ADAM10: variants seen among roughly 807,000 people sequenced by gnomAD.
ADAM10 encodes ADAM metallopeptidase domain 10, also known as disintegrin and metalloproteinase domain-containing protein 10.
Under a neutral mutation model 90.1 loss-of-function variants are expected in ADAM10, and 17 were observed. The ratio of observed to expected loss-of-function variants is 0.19; its 90% CI spans 0.13 to 0.28. The LOEUF (loss-of-function observed/expected upper bound fraction) is 0.28, where lower values mean the gene tolerates loss of function less well. Ranked by LOEUF, ADAM10 falls within the 10% of genes least tolerant of loss-of-function variation. The pLI, the probability that ADAM10 is intolerant of heterozygous loss-of-function variation, is 1.00. For missense variants in ADAM10, 610 were observed against 914.3 expected (o/e 0.67, Z 4.29); for synonymous variants, 310 against 298.6 (o/e 1.04, Z -0.40).
At chr15:58,692,321 T>C (rs189405711) in intron 2 of ADAM10, 3 of 607,368 alleles carry the variant, frequency 4.9e-6, no homozygotes, top group South Asian at 1.4e-5. Flanking sequence ...TCCTGGGTGA[T>C]GTCATCAGGG....
intron 2 of ADAM10, among the ~76,000 whole-genome samples, chr15:58,710,722 T>G (rs1898446843): frequency 6.6e-6 from 1 of 152,254 alleles, no homozygotes; most frequent in Non-Finnish European, 1.5e-5. Context: ...TCAGTATTTT[T>G]TAAATTTTTG....
At chr15:58,681,895 C>A (rs932244011) in intron 3 of ADAM10, among the ~76,000 whole-genome samples, 18 of 152,078 alleles carry the variant, frequency 1.2e-4, no homozygotes, top group African/African-American at 4.1e-4. Context: ...TAATTTCTTA[C>A]TTGGAAAATC....
intron 2 of ADAM10, chr15:58,686,448 T>C: frequency 1.4e-6 from 2 of 1,388,634 alleles, no homozygotes; most frequent in Non-Finnish European, 2.0e-6. Context: ...CTGCAGTGCC[T>C]GGTGGAGCAG....
At chr15:58,708,034 G>A (rs1197574407) in intron 2 of ADAM10, among the ~76,000 whole-genome samples, 15 of 151,730 alleles carry the variant, frequency 9.9e-5, no homozygotes, top group Admixed American at 6.6e-5. Flanking sequence ...TGAAGATCGC[G>A]CCACTGTACT....
chr15:58,719,092 G>A (rs1199964774), intron 1 of ADAM10, among the ~76,000 whole-genome samples: 3 of 152,210 alleles, frequency 2.0e-5, no homozygotes, highest in African/African-American at 7.2e-5. Flanking sequence ...GGGAGGCCGA[G>A]GCAGGTGGAT....
At chr15:58,720,146 G>C (rs1341379610) in intron 1 of ADAM10, among the ~76,000 whole-genome samples, 1 of 152,122 alleles carries the variant, frequency 6.6e-6, no homozygotes, top group South Asian at 2.1e-4. Context: ...GTAAAATGGA[G>C]ACAACAATGC....
At chr15:58,699,581 T>C (rs1211194079) in intron 2 of ADAM10, among the ~76,000 whole-genome samples, 1 of 150,904 alleles carries the variant, frequency 6.6e-6, no homozygotes, top group Non-Finnish European at 1.5e-5. Context: ...GAGACCAGCC[T>C]GAGCAATGTG....
At chr15:58,615,968 A>G (rs1240776597) in intron 11 of ADAM10, among the ~76,000 whole-genome samples, 1 of 152,178 alleles carries the variant, frequency 6.6e-6, no homozygotes, top group African/African-American at 2.4e-5. Flanking sequence ...AGATCATGCC[A>G]CTGCACTCAA....
chr15:58,663,936 T>A (rs1224270782), intron 5 of ADAM10, among the ~76,000 whole-genome samples: 15 of 152,068 alleles, frequency 9.9e-5, no homozygotes, highest in Non-Finnish European at 1.9e-4. Flanking sequence ...TATCTAACAG[T>A]CTATAATCTC....
rs112398625 is a variant in ADAM10, at chr15:58,727,826, T to C, written c.56-10099A>G. On this transcript the variant is annotated intron_variant, in intron 1 of 15. Transcript: ENST00000260408. ...AAATTATGAGGGATAAAGAGGGACA[T>C]TTCCTAATTCAAGAAGAAAACACAA... 3.5e-3 allele frequency among the ~76,000 whole-genome samples: 538 copies of C among 152,030 alleles called. 5 individuals carry two copies. The highest frequency in any genetic ancestry group is 0.012 in the African/African-American group (517 of 41,476).
At chr15:58,636,002 C>T (rs1364483592) in intron 8 of ADAM10, among the ~76,000 whole-genome samples, 3 of 152,090 alleles carry the variant, frequency 2.0e-5, no homozygotes, top group African/African-American at 4.8e-5. Context: ...AATGGCCGGG[C>T]GCAGTGGCTC....
chr15:58,653,766 G>A (rs1896744330), intron 5 of ADAM10, among the ~76,000 whole-genome samples: 1 of 151,890 alleles, frequency 6.6e-6, no homozygotes, highest in Admixed American at 6.6e-5. Context: ...CTATTTTTTG[G>A]AATAGTTTCA....
intron 2 of ADAM10, among the ~76,000 whole-genome samples, chr15:58,710,423 T>C (rs1262100841): frequency 6.6e-6 from 1 of 152,278 alleles, no homozygotes; most frequent in Non-Finnish European, 1.5e-5. Flanking sequence ...TGAACACAGA[T>C]CAGCTTTTCC....
chr15:58,708,591 A>G (rs577670178), intron 2 of ADAM10, among the ~76,000 whole-genome samples: 1 of 152,284 alleles, frequency 6.6e-6, no homozygotes, highest in Admixed American at 6.5e-5. Context: ...TGAGCTCAGA[A>G]GTTTGAGGCC....
chr15:58,714,924 A>T (rs7174279), intron 2 of ADAM10, among the ~76,000 whole-genome samples: 7,584 of 152,160 alleles, frequency 0.05, 647 homozygotes, highest in African/African-American at 0.17. Flanking sequence ...TTTCAAGGAA[A>T]GGGAGGAACA....
At chr15:58,653,736 T>C (rs574629764) in intron 5 of ADAM10, among the ~76,000 whole-genome samples, 7 of 152,226 alleles carry the variant, frequency 4.6e-5, no homozygotes, top group African/African-American at 1.2e-4. Context: ...TAGAATGAGT[T>C]TGAAGTTTTC....
intron 4 of ADAM10, among the ~76,000 whole-genome samples, chr15:58,665,918 G>A (rs1046205348): frequency 1.8e-4 from 28 of 151,840 alleles, no homozygotes; most frequent in African/African-American, 6.5e-4. Flanking sequence ...TCATGACGAT[G>A]ATCCTTCCAC....
intron 5 of ADAM10, among the ~76,000 whole-genome samples, chr15:58,647,120 A>C (rs2140697768): frequency 6.6e-6 from 1 of 152,184 alleles, no homozygotes; most frequent in Middle Eastern, 3.4e-3. Context: ...GGGATTATTT[A>C]ATTTCTGTCC....
In ADAM10 at chr15:58,651,603, T is replaced by C. The variant is rs148730658; in HGVS notation, c.586-5399A>G. Among the ~76,000 whole-genome samples, 1,409 of 152,360 alleles carry C rather than the reference T, an allele frequency of 9.2e-3. 27 individuals carry two copies. Among genetic ancestry groups the C allele is most frequent in the African/African-American group, 0.032 (1,348 of 41,592 alleles). On this transcript the variant is annotated intron_variant, in intron 5 of 15. Coordinates refer to ENST00000260408, the MANE Select transcript of ADAM10 (RefSeq NM_001110.4). ...AATTACAGAATCTAATTCTGTTTTA[T>C]GGCTAAATAGTATTCCATTGTGAAT...
Sources: allele counts gnomAD v4.1 joint callset (sites outside exome capture counted in the v4.1 genomes callset), GRCh38; gene constraint gnomAD v4.1.1; transcripts MANE v1.5; gene names NCBI Gene and HGNC (gene_info 2026-07-23, HGNC 2026-07-21).